Variants in PLXDC2 observed in about 807,000 individuals in gnomAD.
The protein encoded by PLXDC2 is plexin domain-containing protein 2.
A neutral mutation model predicts 68.9 loss-of-function variants in PLXDC2; 40 were observed. The ratio of observed to expected loss-of-function variants is 0.58; its 90% CI spans 0.45 to 0.76. The LOEUF (loss-of-function observed/expected upper bound fraction) is 0.76, where lower values mean the gene tolerates loss of function less well. Among genes scored for constraint, PLXDC2 ranks in the 30% least tolerant of loss-of-function variants. The pLI, the probability that PLXDC2 is intolerant of heterozygous loss-of-function variation, is 0.00. For missense variants in PLXDC2, 644 were observed against 661.9 expected, an observed-to-expected ratio of 0.97 and a Z score of 0.30; for synonymous variants, 243 against 234.2, an observed-to-expected ratio of 1.04 and a Z score of -0.34.
At chr10:20,016,517 A>C (rs1835214560) in intron 2 of PLXDC2, among the ~76,000 whole-genome samples, 1 of 152,232 alleles carries the variant, frequency 6.6e-6, no homozygotes, top group South Asian at 2.1e-4. Context: ...TTTCGCACTC[A>C]AATTATCTGA....
intron 1 of PLXDC2, among the ~76,000 whole-genome samples, chr10:19,825,060 A>C (rs1265353300): frequency 1.3e-5 from 2 of 152,120 alleles, no homozygotes; most frequent in African/African-American, 4.8e-5. Flanking sequence ...CCTTCAAATT[A>C]AAATAGGCTG....
intron 1 of PLXDC2, among the ~76,000 whole-genome samples, chr10:19,937,546 A>ATG (rs1833745177): frequency 2.7e-5 from 1 of 36,740 alleles, no homozygotes; most frequent in African/African-American, 1.2e-4. Context: ...TAGTCAATGT[A>ATG]TATATATATA....
In PLXDC2 at chr10:19,989,422, G is replaced by A. The variant is rs370597921; in HGVS notation, c.113-12353G>A. 9.2e-5 allele frequency among the ~76,000 whole-genome samples: 14 copies of A among 152,110 alleles called. No individual in the cohort carries two copies. In the East Asian group the frequency reaches 2.7e-3, roughly 29 times the overall value. ...TGTTAACAATTCAGTAATAGTTTAT[G>A]GTAGACACAAATTGTCCATTAAATA... On this transcript the variant is annotated intron_variant, in intron 1 of 13. Coordinates refer to ENST00000377252, the MANE Select transcript of PLXDC2 (RefSeq NM_032812.9).
chr10:20,175,980 C>A (rs1163289271), intron 7 of PLXDC2, among the ~76,000 whole-genome samples: 1 of 152,008 alleles, frequency 6.6e-6, no homozygotes, highest in Non-Finnish European at 1.5e-5. Context: ...CAGGCGAGCA[C>A]ATTAGTATAA....
intron 4 of PLXDC2, among the ~76,000 whole-genome samples, chr10:20,099,801 G>A (rs1833398720): frequency 6.6e-6 from 1 of 151,954 alleles, no homozygotes; most frequent in African/African-American, 2.4e-5. Context: ...TGTTTAATTG[G>A]TATCATATCA....
At chr10:20,066,755 G>A (rs930548099) in intron 3 of PLXDC2, among the ~76,000 whole-genome samples, 10 of 152,154 alleles carry the variant, frequency 6.6e-5, no homozygotes, top group Non-Finnish European at 1.2e-4. Context: ...ATTAGAAATC[G>A]TGATGGCTAT....
chr10:19,906,049 G>T (rs1246411689), intron 1 of PLXDC2, among the ~76,000 whole-genome samples: 3 of 152,040 alleles, frequency 2.0e-5, no homozygotes, highest in Admixed American at 2.0e-4. Context: ...ACATTCTAGT[G>T]ATGTGAAACA....
intron 12 of PLXDC2, among the ~76,000 whole-genome samples, chr10:20,232,166 A>T (rs915814295): frequency 1.3e-5 from 2 of 152,182 alleles, no homozygotes; most frequent in Non-Finnish European, 2.9e-5. Context: ...AAACCAAAAC[A>T]TGAATGGGAT....
chr10:19,916,126 G>GT (rs200823056), intron 1 of PLXDC2, among the ~76,000 whole-genome samples: 6,307 of 125,484 alleles, frequency 0.05, 243 homozygotes, highest in Middle Eastern at 0.11. Context: ...AGGGAGTTGT[G>GT]TTTTGTTTTG....
chr10:20,058,203 A>G (rs1482403843), intron 3 of PLXDC2, among the ~76,000 whole-genome samples: 1 of 152,176 alleles, frequency 6.6e-6, no homozygotes, highest in African/African-American at 2.4e-5. Flanking sequence ...TGTTACATGC[A>G]TAGAATGTGT....
chr10:19,920,335 T>G (rs74122118), intron 1 of PLXDC2, among the ~76,000 whole-genome samples: 3,654 of 152,202 alleles, frequency 0.024, 139 homozygotes, highest in African/African-American at 0.083. Context: ...AATGTTGCAT[T>G]TCCCAAGACC....
At chr10:19,865,209 C>T (rs1837390987) in intron 1 of PLXDC2, among the ~76,000 whole-genome samples, 1 of 152,168 alleles carries the variant, frequency 6.6e-6, no homozygotes, top group South Asian at 2.1e-4. Flanking sequence ...AAAGCTGGGA[C>T]ATCTCAGTGA....
At chr10:19,938,299 G>A (rs1042158609) in intron 1 of PLXDC2, among the ~76,000 whole-genome samples, 18 of 152,136 alleles carry the variant, frequency 1.2e-4, no homozygotes, top group African/African-American at 7.2e-5. Context: ...AATTGGAAAG[G>A]TAGTGTATTA....
At chr10:19,830,774 A>T (rs1396122389) in intron 1 of PLXDC2, among the ~76,000 whole-genome samples, 2 of 152,064 alleles carry the variant, frequency 1.3e-5, no homozygotes, top group Non-Finnish European at 2.9e-5. Context: ...TGCATTGGGA[A>T]GATAAAAGTC....
chr10:19,917,109 G>T (rs1426153954), intron 1 of PLXDC2, among the ~76,000 whole-genome samples: 1 of 152,196 alleles, frequency 6.6e-6, no homozygotes, highest in Admixed American at 6.5e-5. Flanking sequence ...CTAGAAAATT[G>T]TGAAGTTTAT....
At chr10:20,011,971 T>C (rs1835121806) in intron 2 of PLXDC2, among the ~76,000 whole-genome samples, 1 of 152,190 alleles carries the variant, frequency 6.6e-6, no homozygotes, top group Non-Finnish European at 1.5e-5. Flanking sequence ...AGGATGATAG[T>C]GTCTGATAAA....
chr10:20,021,987 A>G (rs1041212157), intron 2 of PLXDC2, among the ~76,000 whole-genome samples: 27 of 152,252 alleles, frequency 1.8e-4, no homozygotes, highest in East Asian at 1.4e-3. Context: ...GTGAGCCACC[A>G]CGCCCAGCTC....
intron 9 of PLXDC2, among the ~76,000 whole-genome samples, chr10:20,200,501 A>T (rs369888451): frequency 1.2e-4 from 18 of 152,208 alleles, no homozygotes; most frequent in East Asian, 1.2e-3. Flanking sequence ...GTCATTAAAA[A>T]TTACCTCTTA....
chr10:20,074,046 C>T (rs563069712), intron 4 of PLXDC2, among the ~76,000 whole-genome samples: 1 of 151,796 alleles, frequency 6.6e-6, no homozygotes, highest in South Asian at 2.1e-4. Flanking sequence ...TAATTTTGGC[C>T]CCAGAATGTA....
Sources: allele counts gnomAD v4.1 joint callset (sites outside exome capture counted in the v4.1 genomes callset), GRCh38; gene constraint gnomAD v4.1.1; transcripts MANE v1.5; gene names NCBI Gene and HGNC (gene_info 2026-07-23, HGNC 2026-07-21).